MAD1L1: variants seen among roughly 807,000 people sequenced by gnomAD.
MAD1L1 encodes mitotic spindle assembly checkpoint protein MAD1.
MAD1L1 carries 95 observed loss-of-function variants against 96.9 expected under a neutral mutation model. That is an observed-to-expected ratio of 0.98 (90% CI 0.83 to 1.16). MAD1L1 has a LOEUF of 1.16. Among genes scored for constraint, MAD1L1 ranks in the 50% most tolerant of loss-of-function variants. MAD1L1 has a pLI of 0.00. For synonymous variants in MAD1L1, 473 were observed against 396.6 expected, an observed-to-expected ratio of 1.19 and a Z score of -2.29; for missense variants, 1,007 against 954.4, an observed-to-expected ratio of 1.06 and a Z score of -0.73.
rs917474477 is a variant in MAD1L1 at position 2,216,380 on chromosome 7, G to A, written c.679-93C>T. 4.2e-5 allele frequency: 54 copies of A among 1,296,316 alleles called. No individual in the cohort carries two copies. In the South Asian group the frequency reaches 7.1e-4, roughly 17 times the overall value. The allele number at this position is 1,296,316 out of a possible 1,614,324, so 80.3% of individuals were successfully genotyped here. On this transcript the variant is annotated intron_variant, in intron 7 of 18. Coordinates refer to ENST00000265854, the MANE Select transcript of MAD1L1 (RefSeq NM_001013836.2). Reference sequence around the variant, plus strand: ...GCACACGGCTAAGAGAAGGAAGCCGGTCTGCAACGGCTATACACACTGCAG... The same window carrying A: ...GCACACGGCTAAGAGAAGGAAGCCGATCTGCAACGGCTATACACACTGCAG...
chr7:1,855,590 C>A (rs1356250151), intron 18 of MAD1L1, among the ~76,000 whole-genome samples: 1 of 152,094 alleles, frequency 6.6e-6, no homozygotes, highest in Non-Finnish European at 1.5e-5. Flanking sequence ...TCTCCCCTCA[C>A]CACCACACAC....
At chr7:1,871,787 T>A (rs966887290) in intron 18 of MAD1L1, among the ~76,000 whole-genome samples, 1 of 152,030 alleles carries the variant, frequency 6.6e-6, no homozygotes, top group Non-Finnish European at 1.5e-5. Context: ...CACTCTGAAC[T>A]CCTGCACCTG....
chr7:2,043,907 C>T (rs1289888811), intron 12 of MAD1L1, among the ~76,000 whole-genome samples: 1 of 152,262 alleles, frequency 6.6e-6, no homozygotes, highest in Admixed American at 6.5e-5. Flanking sequence ...GCAGACCTCA[C>T]CGTGCAGGAA....
chr7:2,169,990 A>G (rs1278543257), intron 10 of MAD1L1, among the ~76,000 whole-genome samples: 1 of 152,212 alleles, frequency 6.6e-6, no homozygotes, highest in Non-Finnish European at 1.5e-5. Flanking sequence ...GAGACGAGAC[A>G]GGATGCAGAT....
At chr7:1,922,388 C>T (rs1233682685) in intron 17 of MAD1L1, among the ~76,000 whole-genome samples, 4 of 152,222 alleles carry the variant, frequency 2.6e-5, no homozygotes, top group East Asian at 1.9e-4. Context: ...TGAACAGAAA[C>T]GGCATGTTTT....
At chr7:2,160,714 T>C (rs1790064500) in intron 10 of MAD1L1, among the ~76,000 whole-genome samples, 1 of 151,764 alleles carries the variant, frequency 6.6e-6, no homozygotes, top group South Asian at 2.1e-4. Flanking sequence ...CTCACTGGAA[T>C]CTCCGCTCTC....
At chr7:1,975,274 C>T (rs528149493) in intron 15 of MAD1L1, among the ~76,000 whole-genome samples, 1 of 152,342 alleles carries the variant, frequency 6.6e-6, no homozygotes, top group East Asian at 1.9e-4. Context: ...CCCCTCGGGG[C>T]CACGCCTTCC....
At chr7:2,147,631 C>T (rs1304022507) in intron 11 of MAD1L1, among the ~76,000 whole-genome samples, 1 of 152,196 alleles carries the variant, frequency 6.6e-6, no homozygotes, top group East Asian at 1.9e-4. Flanking sequence ...CTCACCCTTC[C>T]CCAGGGCGGG....
intron 10 of MAD1L1, among the ~76,000 whole-genome samples, chr7:2,169,994 T>G (rs564619014): frequency 6.6e-6 from 1 of 152,300 alleles, no homozygotes; most frequent in South Asian, 2.1e-4. Flanking sequence ...CGAGACAGGA[T>G]GCAGATAAAC....
At chr7:2,083,838 G>T (rs1300333544) in intron 11 of MAD1L1, among the ~76,000 whole-genome samples, 1 of 152,240 alleles carries the variant, frequency 6.6e-6, no homozygotes, top group East Asian at 1.9e-4. Context: ...AGGACCTCCT[G>T]GTTGGTCACT....
At chr7:1,869,565 C>T (rs1784944306) in intron 18 of MAD1L1, among the ~76,000 whole-genome samples, 1 of 152,140 alleles carries the variant, frequency 6.6e-6, no homozygotes, top group African/African-American at 2.4e-5. Context: ...TCACAGGGAC[C>T]CGGGAAAAAA....
chr7:1,928,894 T>TAGGGCACCTCACTG (rs1432303784), intron 17 of MAD1L1, among the ~76,000 whole-genome samples: 1 of 152,100 alleles, frequency 6.6e-6, no homozygotes, highest in Non-Finnish European at 1.5e-5. Flanking sequence ...GAGCAGCCAT[T>TAGGGCACCTCACTG]AGGGCACCTC....
Position 2,213,228 on chromosome 7 carries a change from T to C in MAD1L1, c.970A>G (p.Met324Val), listed in dbSNP as rs34057615. The change falls in exon 10 of 19, where the codon ATG becomes GTG. Residue 324 changes from methionine to valine, a missense_variant. Transcript: ENST00000265854. ...CTTCCCTACCTGATGCTCAGGCCCA[T>C]GGTCTGGTCCAGTCTCTCCCAGCTT... ...LQSWERLDQT[M>V]GLSIRTPEDL... 12 of 1,614,148 alleles carry C rather than the reference T, an allele frequency of 7.4e-6. No homozygotes were observed. In the Admixed American group the frequency reaches 2.0e-4, roughly 27 times the overall value.
intron 18 of MAD1L1, among the ~76,000 whole-genome samples, chr7:1,869,485 G>GT: frequency 6.6e-6 from 1 of 151,970 alleles, no homozygotes; most frequent in Admixed American, 6.6e-5. Flanking sequence ...CGTGCAGCTG[G>GT]GAGCAGGTGA....
chr7:1,912,040 G>A (rs978563391), intron 17 of MAD1L1, among the ~76,000 whole-genome samples: 3 of 152,332 alleles, frequency 2.0e-5, no homozygotes, highest in Admixed American at 6.5e-5. Flanking sequence ...GGGGGCTGAC[G>A]GGAACCATGG....
At position 2,230,057 on chromosome 7, in the gene MAD1L1, T is replaced by A. The variant is rs1794115709; in HGVS notation, c.77A>T (p.Glu26Val). The A allele has an allele frequency of 2.5e-6, 4 of 1,613,600 alleles. No homozygotes were observed. Among genetic ancestry groups the A allele is most frequent in the Non-Finnish European group, 3.4e-6 (4 of 1,179,826 alleles). ...AGAAATATCCAGTCCAGAGCCTCCC[T>A]CCACACGCTGAGAGATGAAGTTGTT... Reference protein sequence around the residue: ...SLNNFISQRVEGGSGLDISTS... With the variant: ...SLNNFISQRVVGGSGLDISTS... The change falls in exon 3 of 19, where the codon GAG becomes GTG. Residue 26 changes from glutamate (E) to valine (V), a missense_variant. Physicochemically the swap from Glu to Val is moderately radical, Grantham distance 121. Coordinates refer to ENST00000265854, the MANE Select transcript of MAD1L1 (RefSeq NM_001013836.2).
At chr7:2,092,533 C>CT (rs1279284705) in intron 11 of MAD1L1, among the ~76,000 whole-genome samples, 1 of 152,164 alleles carries the variant, frequency 6.6e-6, no homozygotes, top group Non-Finnish European at 1.5e-5. Context: ...ATATCGGTGA[C>CT]TGTGTTTTCA....
intron 11 of MAD1L1, among the ~76,000 whole-genome samples, chr7:2,133,979 C>G (rs1014673819): frequency 1.3e-5 from 2 of 152,184 alleles, no homozygotes; most frequent in East Asian, 1.9e-4. Context: ...GTCAGTTTTC[C>G]GGTGTTGTTC....
At chr7:1,894,456 G>A (rs894099632) in intron 18 of MAD1L1, among the ~76,000 whole-genome samples, 1 of 152,178 alleles carries the variant, frequency 6.6e-6, no homozygotes, top group African/African-American at 2.4e-5. Flanking sequence ...AGCCAACAGG[G>A]ATCCCGGTGC....
Sources: allele counts gnomAD v4.1 joint callset (sites outside exome capture counted in the v4.1 genomes callset), GRCh38; gene constraint gnomAD v4.1.1; transcripts MANE v1.5; gene names NCBI Gene and HGNC (gene_info 2026-07-23, HGNC 2026-07-21).